Variants in FAM118B observed in about 807,000 individuals in gnomAD.
FAM118B encodes the protein protein FAM118B.
A neutral mutation model predicts 38.5 loss-of-function variants in FAM118B; 24 were observed. The ratio of observed to expected loss-of-function variants is 0.62; its 90% CI spans 0.45 to 0.88. FAM118B has a LOEUF of 0.88. FAM118B is among the 40% of genes least tolerant of loss of function. The probability of loss-of-function intolerance (pLI) is 0.00; values close to 1 mark genes in which losing one functional copy is unlikely to be tolerated. For missense variants in FAM118B, 334 were observed against 420.0 expected (o/e 0.80, Z 1.79); for synonymous variants, 138 against 156.3 (o/e 0.88, Z 0.87).
chr11:126,242,077 C>T (rs2135176737), intron 4 of FAM118B, among the ~76,000 whole-genome samples: 1 of 149,588 alleles, frequency 6.7e-6, no homozygotes, highest in Non-Finnish European at 1.5e-5. Context: ...TTCATGGAAT[C>T]TCCATACACT....
At chr11:126,261,922 T>C (rs1323582579) in intron 8 of FAM118B, among the ~76,000 whole-genome samples, 198 bp from the exon 9 acceptor site, 2 of 152,196 alleles carry the variant, frequency 1.3e-5, no homozygotes, top group African/African-American at 2.4e-5. Flanking sequence ...AGTGAGCTGA[T>C]TGTGCCACTG....
At chr11:126,219,746 G>C (rs2135127986) in intron 1 of FAM118B, among the ~76,000 whole-genome samples, 1 of 151,942 alleles carries the variant, frequency 6.6e-6, no homozygotes, top group East Asian at 1.9e-4. Context: ...ACTCTTCCTA[G>C]GTTCCTGCTC....
rs76870790 is a variant in FAM118B at position 126,230,000 on chromosome 11, C to G, written c.-8+707C>G. 4.7e-3 allele frequency among the ~76,000 whole-genome samples: 714 copies of G among 152,274 alleles called. 6 individuals carry two copies. The highest frequency in any genetic ancestry group is 0.016 in the African/African-American group (684 of 41,552). On this transcript the variant is annotated intron_variant, in intron 2 of 8. Transcript: ENST00000533050. ...TTCAGGAAATGAGTGTGATACAGATCTTATCTGACAGAAGGTAGAGGGTCT... is the reference window on the plus strand; with the variant it reads ...TTCAGGAAATGAGTGTGATACAGATGTTATCTGACAGAAGGTAGAGGGTCT...
chr11:126,256,315 A>G lies in FAM118B; in HGVS notation c.697-252A>G, dbSNP rs910435924. Among the ~76,000 whole-genome samples the G allele has an allele frequency of 3.3e-5, 5 of 152,254 alleles. No homozygotes were observed. Among genetic ancestry groups the G allele is most frequent in the African/African-American group, 1.2e-4 (5 of 41,476 alleles). On this transcript the variant is annotated intron_variant, in intron 6 of 8. Coordinates refer to ENST00000533050, the MANE Select transcript of FAM118B (RefSeq NM_024556.4). The surrounding 1 kb of genome is among the most constrained non-coding windows in gnomAD (Gnocchi z 6.6). ...TAAAGAAGTAAACTACTGCACCAGT[A>G]CACTGACACCAGCTCTATGAAACGC... is the stretch of plus-strand genomic sequence containing the variant.
In FAM118B at chr11:126,256,203, T is replaced by C. The variant is rs1476024668; in HGVS notation, c.697-364T>C. Reference sequence around the variant, plus strand: ...GTCACTTGAACCAGGGTGGTGGAGGTTGCAGTAAGCCGAGGTCACACCACT... The same window carrying C: ...GTCACTTGAACCAGGGTGGTGGAGGCTGCAGTAAGCCGAGGTCACACCACT... On this transcript the variant is annotated intron_variant, in intron 6 of 8. Transcript: ENST00000533050. This position sits in a 1 kb window ranked among gnomAD's most constrained non-coding sequence, Gnocchi z 6.6. Among the ~76,000 whole-genome samples the C allele has an allele frequency of 2.6e-5, 4 of 152,044 alleles. No individual in the cohort carries two copies. The East Asian group carries it at 7.7e-4, about 29-fold the overall frequency.
upstream of FAM118B, chr11:126,211,748 A>G: frequency 7.8e-7 from 1 of 1,288,322 alleles, no homozygotes; most frequent in Non-Finnish European, 1.1e-6. Context: ...GGCCTGGGCG[A>G]GTCACGTGGG....
At chr11:126,249,749 A>G (rs11220425) in intron 4 of FAM118B, among the ~76,000 whole-genome samples, 133 of 141,284 alleles carry the variant, frequency 9.4e-4, no homozygotes, top group African/African-American at 2.6e-3. Flanking sequence ...AAAAAAAAAA[A>G]AAAAAGAAAA....
rs577765753 is a variant in FAM118B, at chr11:126,246,210, G to A, written c.340-4296G>A. Reference sequence around the variant, plus strand: ...ATAGAAGTATTGCGATTATGTTTTTGTTTTGTATGTACTTTTCTGACTTTT... The same window carrying A: ...ATAGAAGTATTGCGATTATGTTTTTATTTTGTATGTACTTTTCTGACTTTT... On this transcript the variant is annotated intron_variant, in intron 4 of 8. Coordinates refer to ENST00000533050, the MANE Select transcript of FAM118B (RefSeq NM_024556.4). 2.0e-5 allele frequency among the ~76,000 whole-genome samples: 3 copies of A among 152,160 alleles called. 1 individual carries two copies. The South Asian group carries it at 6.2e-4, about 32-fold the overall frequency.
intron 4 of FAM118B, among the ~76,000 whole-genome samples, chr11:126,249,979 G>C (rs1950475277): frequency 6.6e-6 from 1 of 151,970 alleles, no homozygotes. Flanking sequence ...ATTTTAGGAA[G>C]CTTACGTATA....
intron 7 of FAM118B, among the ~76,000 whole-genome samples, chr11:126,258,304 T>C (rs147237600): frequency 3.1e-4 from 47 of 152,262 alleles, no homozygotes; most frequent in African/African-American, 1.0e-3. Flanking sequence ...GGAGGATCAC[T>C]TGAGCCCAGG....
At chr11:126,259,390 T>C (rs1415953136) in intron 7 of FAM118B, among the ~76,000 whole-genome samples, 2 of 151,954 alleles carry the variant, frequency 1.3e-5, no homozygotes, top group Non-Finnish European at 2.9e-5. Flanking sequence ...AAATAATTCT[T>C]ATAATCCATT....
At position 126,235,039 on chromosome 11, in the gene FAM118B, A is replaced by T; in HGVS notation, c.38A>T (p.Glu13Val). 1.2e-6 allele frequency: 2 copies of T among 1,614,164 alleles called. No individual in the cohort carries two copies. Among genetic ancestry groups the T allele is most frequent in the Non-Finnish European group, 1.7e-6 (2 of 1,180,026 alleles). Residue 13 changes from glutamate to valine, a missense_variant, in exon 3 of 9, where the codon GAG becomes GTG. Glu to Val is a moderately radical substitution (Grantham distance 121). Around this residue, in one of 3 missense-constraint regions of FAM118B, gnomAD observed 240 missense variants for 295.9 expected, o/e 0.81. Transcript: ENST00000533050. Reference protein sequence around the residue: ...STGSQASDIDEIFGFFNDGEP... With the variant: ...STGSQASDIDVIFGFFNDGEP... ...GGGAGCCAGGCCTCTGATATAGACG[A>T]GATTTTTGGATTCTTCAACGATGGC...
chr11:126,234,893 T>A, intron 2 of FAM118B, 102 bp from the exon 3 acceptor site: 1 of 869,374 alleles, frequency 1.2e-6, no homozygotes. Flanking sequence ...CCAAAACACC[T>A]TTAAGGGTAT....
rs937390682 is a variant in FAM118B at position 126,236,109 on chromosome 11, C to T, written c.86+1022C>T. On this transcript the variant is annotated intron_variant, in intron 3 of 8. Transcript: ENST00000533050. ...GGACACTTGTTCTCCAGTCCTGTTG[C>T]GTTCCTGATATTTGCTATTTCCCAT... 5.9e-5 allele frequency among the ~76,000 whole-genome samples: 9 copies of T among 152,288 alleles called. No homozygotes were observed. In the South Asian group the frequency reaches 1.0e-3, roughly 18 times the overall value.
rs372014315 is a variant in FAM118B at position 126,245,992 on chromosome 11, G to A, written c.340-4514G>A. 4.6e-4 allele frequency among the ~76,000 whole-genome samples: 66 copies of A among 143,780 alleles called. 1 individual carries two copies. In the South Asian group the frequency reaches 0.012, roughly 26 times the overall value. The allele number at this position is 143,780 out of a possible 152,430, so 94.3% of individuals were successfully genotyped here. ...GCCTGGGCAACAGGTACGAGACTCC[G>A]TCCCAAAAAAAAAAAAAAGAAAGAA... is the stretch of plus-strand genomic sequence containing the variant. On this transcript the variant is annotated intron_variant, in intron 4 of 8. Coordinates refer to ENST00000533050, the MANE Select transcript of FAM118B (RefSeq NM_024556.4).
rs184136947 is a variant in FAM118B at position 126,256,227 on chromosome 11, C to G, written c.697-340C>G. Among the ~76,000 whole-genome samples the G allele has an allele frequency of 6.6e-6, 1 of 152,230 alleles. No homozygotes were observed. Among genetic ancestry groups the G allele is most frequent in the African/African-American group, 2.4e-5 (1 of 41,454 alleles). Reference sequence around the variant, plus strand: ...GTTGCAGTAAGCCGAGGTCACACCACTACACTCTAGCCCAGGTGAAAGAGT... The same window carrying G: ...GTTGCAGTAAGCCGAGGTCACACCAGTACACTCTAGCCCAGGTGAAAGAGT... On this transcript the variant is annotated intron_variant, in intron 6 of 8. Coordinates refer to ENST00000533050, the MANE Select transcript of FAM118B (RefSeq NM_024556.4). This position sits in a 1 kb window ranked among gnomAD's most constrained non-coding sequence, Gnocchi z 6.6.
chr11:126,251,132 A>G (rs1397188447), intron 5 of FAM118B, among the ~76,000 whole-genome samples: 1 of 152,212 alleles, frequency 6.6e-6, no homozygotes, highest in East Asian at 1.9e-4. Flanking sequence ...TTGGAAGAAC[A>G]ACTTCCAGGC....
At chr11:126,249,565 T>C (rs994809661) in intron 4 of FAM118B, among the ~76,000 whole-genome samples, 1 of 151,616 alleles carries the variant, frequency 6.6e-6, no homozygotes, top group African/African-American at 2.4e-5. Flanking sequence ...ACCCCGTCTC[T>C]ACTAAAAATA....
chr11:126,228,047 T>G (rs487148), intron 1 of FAM118B, among the ~76,000 whole-genome samples: 79,881 of 151,716 alleles, frequency 0.53, 21,992 homozygotes, highest in East Asian at 0.81. Flanking sequence ...CATTCTACCT[T>G]CCTGAGCCTC....
Sources: gnomAD v4.1 joint callset for allele counts (sites outside exome capture counted in the v4.1 genomes callset) on GRCh38, gnomAD v4.1.1 for gene constraint, gnomAD v4.1.1 regional missense constraint, Gnocchi (gnomAD v3.1) non-coding constraint, MANE v1.5 for transcripts, NCBI Gene and HGNC (gene_info 2026-07-23, HGNC 2026-07-21) for gene names.